The following CFAP58 variants were observed in gnomAD, a reference collection of about 807,000 sequenced individuals.
CFAP58 encodes the protein cilia- and flagella-associated protein 58.
Under a neutral mutation model 119.5 loss-of-function variants are expected in CFAP58, and 88 were observed. That is an observed-to-expected ratio of 0.74 (90% CI 0.62 to 0.88). The LOEUF is 0.88. Among genes scored for constraint, CFAP58 ranks in the 40% least tolerant of loss-of-function variants. The pLI is 0.00. For missense variants in CFAP58, 990 were observed against 1,021.2 expected, an observed-to-expected ratio of 0.97 and a Z score of 0.42; for synonymous variants, 365 against 366.3, an observed-to-expected ratio of 1.00 and a Z score of 0.04.
intron 15 of CFAP58, among the ~76,000 whole-genome samples, chr10:104,430,481 A>G (rs868217731): frequency 2.6e-5 from 4 of 152,344 alleles, no homozygotes; most frequent in Middle Eastern, 3.4e-3. Flanking sequence ...TCTTCTTTCT[A>G]TTACAGAGCT....
At chr10:104,350,698 T>A (rs2014449820), upstream of CFAP58, among the ~76,000 whole-genome samples, 1 of 152,242 alleles carries the variant, frequency 6.6e-6, no homozygotes, top group Non-Finnish European at 1.5e-5. Flanking sequence ...TACTAAATGA[T>A]ACCATCTTAT....
At chr10:104,410,263 G>T (rs144103591) in intron 15 of CFAP58, among the ~76,000 whole-genome samples, 1 of 152,192 alleles carries the variant, frequency 6.6e-6, no homozygotes, top group Non-Finnish European at 1.5e-5. Flanking sequence ...CTACCCTGCT[G>T]TTTCCAAAAT....
chr10:104,401,002 T>C lies in CFAP58; in HGVS notation c.2039+99T>C. ...GCTTGTTGCTCATTGAAGGTCTTTA[T>C]CGAGTTGTACAAAATGAAGTTTACA... On this transcript the variant is annotated intron_variant, in intron 13 of 17. Coordinates refer to ENST00000369704, the MANE Select transcript of CFAP58 (RefSeq NM_001008723.2). 5 of 805,474 alleles carry C rather than the reference T, an allele frequency of 6.2e-6. No individual in the cohort carries two copies. The South Asian group carries it at 7.0e-5, about 11-fold the overall frequency. 49.9% of individuals were successfully genotyped at this position (805,474 alleles called of 1,614,324 possible).
At chr10:104,364,992 A>G (rs1021984498) in intron 4 of CFAP58, 103 bp downstream of exon 4, 2 of 1,214,268 alleles carry the variant, frequency 1.6e-6, no homozygotes, top group African/African-American at 3.1e-5. Context: ...TTTACCCCCT[A>G]GCGCCCAAAT....
chr10:104,453,053 A>G (rs576989090), intron 17 of CFAP58, among the ~76,000 whole-genome samples: 27 of 152,204 alleles, frequency 1.8e-4, no homozygotes, highest in Non-Finnish European at 3.4e-4. Context: ...TAAAAAGATA[A>G]TATAAAGGAG....
the CFAP58 span, among the ~76,000 whole-genome samples, chr10:104,339,387 A>C: frequency 6.6e-6 from 1 of 152,212 alleles, no homozygotes; most frequent in Non-Finnish European, 1.5e-5. Flanking sequence ...GGTCGAGCTT[A>C]ATAGTTTATG....
intron 11 of CFAP58, among the ~76,000 whole-genome samples, chr10:104,394,765 A>G (rs1429143865): frequency 6.6e-6 from 1 of 152,364 alleles, no homozygotes; most frequent in South Asian, 2.1e-4. Context: ...AAATATACAT[A>G]TATTTTCTAA....
chr10:104,436,459 G>A lies in CFAP58; in HGVS notation c.2257-11239G>A, dbSNP rs765263786. Reference sequence around the variant, plus strand: ...CTGTAGACTGTCCAGGAAGCATGGCGCTGGCATCTGCTCAGCTTCTGGGGA... The same window carrying A: ...CTGTAGACTGTCCAGGAAGCATGGCACTGGCATCTGCTCAGCTTCTGGGGA... On this transcript the variant is annotated intron_variant, in intron 15 of 17. Coordinates refer to ENST00000369704, the MANE Select transcript of CFAP58 (RefSeq NM_001008723.2). 4.6e-5 allele frequency among the ~76,000 whole-genome samples: 7 copies of A among 152,102 alleles called. No homozygotes were observed. The South Asian group carries it at 1.0e-3, about 23-fold the overall frequency.
chr10:104,345,288 A>G, the CFAP58 span, among the ~76,000 whole-genome samples: 1 of 152,114 alleles, frequency 6.6e-6, no homozygotes, highest in Non-Finnish European at 1.5e-5. Flanking sequence ...GGTAAGAAAA[A>G]AAAGACATAG....
At chr10:104,367,827 A>G (rs186776830) in intron 5 of CFAP58, among the ~76,000 whole-genome samples, 1 of 152,376 alleles carries the variant, frequency 6.6e-6, no homozygotes, top group Non-Finnish European at 1.5e-5. Flanking sequence ...TTATAAAACC[A>G]TATCTGCTTA....
intron 17 of CFAP58, among the ~76,000 whole-genome samples, chr10:104,450,708 TATTTTTGA>T (rs1564908752): frequency 7.0e-6 from 1 of 142,438 alleles, no homozygotes; most frequent in African/African-American, 2.8e-5. Flanking sequence ...TTTATTTATT[TATTTTTGA>T]TTTTTTTTTG....
chr10:104,451,049 G>A (rs2013187909), intron 17 of CFAP58, among the ~76,000 whole-genome samples: 1 of 152,152 alleles, frequency 6.6e-6, no homozygotes, highest in Non-Finnish European at 1.5e-5. Flanking sequence ...CCTGATCCCA[G>A]GGTGAAAATC....
intron 3 of CFAP58, 127 bp from the exon 4 acceptor site, chr10:104,364,606 C>A: frequency 1.3e-6 from 1 of 770,536 alleles, no homozygotes; most frequent in East Asian, 3.0e-5. Context: ...AGATCTTTCT[C>A]TTTAATGTCT....
chr10:104,341,777 C>T, the CFAP58 span, among the ~76,000 whole-genome samples: 1 of 151,994 alleles, frequency 6.6e-6, no homozygotes, highest in Non-Finnish European at 1.5e-5. Context: ...AAGATCATCA[C>T]CATATATGCT....
rs141960969 is a variant in CFAP58, at chr10:104,363,311, A to G, written c.440+1140A>G. Among the ~76,000 whole-genome samples, 5 of 152,328 alleles carry G rather than the reference A, an allele frequency of 3.3e-5. No homozygotes were observed. The East Asian group carries it at 5.8e-4, about 18-fold the overall frequency. ...GTGGGGCATGCAAAACATGGCATCA[A>G]CGAATGAATCAGGAATGAACATACA... On this transcript the variant is annotated intron_variant, in intron 3 of 17. Coordinates refer to ENST00000369704, the MANE Select transcript of CFAP58 (RefSeq NM_001008723.2).
chr10:104,427,262 A>T (rs941000979), intron 15 of CFAP58, among the ~76,000 whole-genome samples: 16 of 152,194 alleles, frequency 1.1e-4, no homozygotes, highest in African/African-American at 3.6e-4. Context: ...AGGTGAGAGG[A>T]TGGAAATTAA....
intron 15 of CFAP58, among the ~76,000 whole-genome samples, chr10:104,411,796 ATAGT>A (rs2012465547): frequency 1.3e-5 from 2 of 151,478 alleles, no homozygotes; most frequent in African/African-American, 4.9e-5. Flanking sequence ...CCCAGGAGAG[ATAGT>A]TAGGTTTCCT....
rs146338021 is a variant in CFAP58 at position 104,368,519 on chromosome 10, C to G, written c.889C>G (p.Gln297Glu). 1.4e-4 allele frequency: 234 copies of G among 1,613,954 alleles called. 2 individuals carry two copies. In the African/African-American group the frequency reaches 2.8e-3, roughly 19 times the overall value. Residue 297 changes from glutamine (Q) to glutamate (E), a missense_variant, in exon 6 of 18, where the codon CAG becomes GAG. By Grantham distance (29) the Gln-to-Glu change is conservative. Coordinates refer to ENST00000369704, the MANE Select transcript of CFAP58 (RefSeq NM_001008723.2). ...TGAACAGCACAGTTTGGTCTGTGAG[C>G]AGCTATCCCAGGAAAACCAACAGAA... ...ENEQHSLVCE[Q>E]LSQENQQKAL...
At chr10:104,372,898 A>T (rs2014843075) in intron 7 of CFAP58, among the ~76,000 whole-genome samples, 1 of 152,220 alleles carries the variant, frequency 6.6e-6, no homozygotes, top group African/African-American at 2.4e-5. Context: ...GATGTGTTCA[A>T]CCAAAAAGTG....
Sources: gnomAD v4.1 joint callset for allele counts (sites outside exome capture counted in the v4.1 genomes callset) on GRCh38, gnomAD v4.1.1 for gene constraint, MANE v1.5 for transcripts, NCBI Gene and HGNC (gene_info 2026-07-23, HGNC 2026-07-21) for gene names.